Variants in METTL2B observed in about 807,000 individuals in gnomAD.
The protein encoded by METTL2B is methyltransferase 2B, tRNA N3-cytidine, also known as tRNA N(3)-cytidine methyltransferase METTL2B.
Under a neutral mutation model 51.0 loss-of-function variants are expected in METTL2B, and 28 were observed. The observed-to-expected ratio is 0.55, with a 90% CI of 0.41 to 0.75. METTL2B has a LOEUF of 0.75. Among genes scored for constraint, METTL2B ranks in the 30% least tolerant of loss-of-function variants. METTL2B has a pLI of 0.00. For missense variants in METTL2B, 313 were observed against 460.7 expected (o/e 0.68, Z 2.93); for synonymous variants, 128 against 166.3 (o/e 0.77, Z 1.77).
chr7:128,483,793 T>G (rs1157577616), intron 4 of METTL2B: 8 of 152,440 alleles, frequency 5.2e-5, no homozygotes, highest in African/African-American at 1.9e-4. Flanking sequence ...GGTGCGATCT[T>G]GGCTCACCGC....
chr7:128,502,140 A>T lies in METTL2B; in HGVS notation c.*224A>T. Reference sequence around the variant, plus strand: ...AAAGAATATAAATGAGGTCTCGTTGATGCTGGACAATTCAAGAATTCAGAC... The same window carrying T: ...AAAGAATATAAATGAGGTCTCGTTGTTGCTGGACAATTCAAGAATTCAGAC... On this transcript the variant is annotated 3_prime_UTR_variant, in exon 9 of 9. Coordinates refer to ENST00000262432, the MANE Select transcript of METTL2B (RefSeq NM_018396.3). 1.9e-6 allele frequency: 1 copy of T among 528,168 alleles called. No homozygotes were observed. The highest frequency in any genetic ancestry group is 3.2e-6 in the Non-Finnish European group (1 of 317,424). 32.7% of individuals were successfully genotyped at this position (528,168 alleles called of 1,614,324 possible). A position where few individuals can be genotyped will look rare whatever the true frequency, so the allele number is the denominator to read the frequency against.
At chr7:128,493,441 ATC>A (rs754016965) in intron 5 of METTL2B, among the ~76,000 whole-genome samples, 6 of 151,964 alleles carry the variant, frequency 3.9e-5, no homozygotes, top group Admixed American at 2.6e-4. Context: ...CGAACTCCTG[ATC>A]TCAGGTGGTC....
rs549752957 is a variant in METTL2B at position 128,505,501 on chromosome 7, G to C, written c.*3585G>C. ...GATGCTGTGTTCCTCCCATAGGATCGTATCAGGCGACACATGATTATGAAT... is the reference window on the plus strand; with the variant it reads ...GATGCTGTGTTCCTCCCATAGGATCCTATCAGGCGACACATGATTATGAAT... On this transcript the variant is annotated 3_prime_UTR_variant, in exon 9 of 9. Transcript: ENST00000262432. 6.6e-6 allele frequency: 1 copy of C among 152,130 alleles called. No homozygotes were observed. The highest frequency in any genetic ancestry group is 1.5e-5 in the Non-Finnish European group (1 of 68,032). 9.4% of individuals were successfully genotyped at this position (152,130 alleles called of 1,614,324 possible). A position where few individuals can be genotyped will look rare whatever the true frequency, so the allele number is the denominator to read the frequency against.
chr7:128,505,740 A>T lies in METTL2B; in HGVS notation c.*3824A>T, dbSNP rs1410594454. 1 of 151,944 alleles carries T rather than the reference A, an allele frequency of 6.6e-6. No individual in the cohort carries two copies. Among genetic ancestry groups the T allele is most frequent in the Non-Finnish European group, 1.5e-5 (1 of 67,990 alleles). The allele number at this position is 151,944 out of a possible 1,614,324, so 9.4% of individuals were successfully genotyped here. On this transcript the variant is annotated 3_prime_UTR_variant, in exon 9 of 9. Coordinates refer to ENST00000262432, the MANE Select transcript of METTL2B (RefSeq NM_018396.3). ...TTTCTGATCCTTCCATTCCTTCTAC[A>T]CTGATTGGTTGGTATTTTGTACAGA...
rs1793120816 is a variant in METTL2B, at chr7:128,506,387, A to G, written c.*4471A>G. 1 of 152,158 alleles carries G rather than the reference A, an allele frequency of 6.6e-6. No homozygotes were observed. Among genetic ancestry groups the G allele is most frequent in the Admixed American group, 6.6e-5 (1 of 15,256 alleles). 9.4% of individuals were successfully genotyped at this position (152,158 alleles called of 1,614,324 possible). ...TTGGGCTTTGGCTTAGATTAAAAAG[A>G]CGAGCCTTCTCCTGCCCCTGCTCCC... On this transcript the variant is annotated 3_prime_UTR_variant, in exon 9 of 9. Transcript: ENST00000262432.
intron 1 of METTL2B, 45 bp from the exon 2 acceptor site, chr7:128,477,037 C>T: frequency 6.2e-7 from 1 of 1,613,814 alleles, no homozygotes; most frequent in Non-Finnish European, 8.5e-7. Context: ...ACCCTGCTCG[C>T]AGCCAGGACG....
In METTL2B at chr7:128,501,806, C is replaced by G. The variant is rs759709919; in HGVS notation, c.1027C>G (p.Gln343Glu). ...LFTTAGLEKVQNLVDRRLQVN... is the reference protein window; with the variant it reads ...LFTTAGLEKVENLVDRRLQVN... ...CACCACTGCTGGACTGGAAAAAGTTCAGAATCTGGTGGACCGCCGACTGCA... is the reference window on the plus strand; with the variant it reads ...CACCACTGCTGGACTGGAAAAAGTTGAGAATCTGGTGGACCGCCGACTGCA... Residue 343 changes from glutamine to glutamate, a missense_variant, in exon 9 of 9, where the codon CAG becomes GAG. Transcript: ENST00000262432. 5 of 1,614,068 alleles carry G rather than the reference C, an allele frequency of 3.1e-6. No homozygotes were observed. The South Asian group carries it at 5.5e-5, about 18-fold the overall frequency.
intron 5 of METTL2B, among the ~76,000 whole-genome samples, chr7:128,493,272 G>A (rs1792867722): frequency 6.6e-6 from 1 of 151,674 alleles, no homozygotes; most frequent in South Asian, 2.1e-4. Flanking sequence ...GAGTGCAATG[G>A]TACAATCTCG....
chr7:128,479,194 A>G lies in METTL2B; in HGVS notation c.239A>G (p.Asp80Gly). 1 of 1,614,032 alleles carries G rather than the reference A, an allele frequency of 6.2e-7. No individual in the cohort carries two copies. Among genetic ancestry groups the G allele is most frequent in the South Asian group, 1.1e-5 (1 of 91,082 alleles). The change falls in exon 3 of 9, where the codon GAC becomes GGC. Residue 80 changes from aspartate (D) to glycine (G), a missense_variant. Asp to Gly is a moderately conservative substitution (Grantham distance 94). Transcript: ENST00000262432. ...YEINAHKYWN[D>G]FYKIHENGFF... ...ATCAATGCCCACAAATACTGGAATG[A>G]CTTCTACAAAATCCACGAAAATGGG...
chr7:128,486,610 A>T (rs985929031), intron 4 of METTL2B, among the ~76,000 whole-genome samples: 2 of 152,028 alleles, frequency 1.3e-5, no homozygotes, highest in Non-Finnish European at 2.9e-5. Context: ...CTCACAAAAA[A>T]AAAAAGAAAA....
Position 128,479,638 on chromosome 7 carries a change from A to G in METTL2B, c.558+125A>G, listed in dbSNP as rs181353703. 6.5e-4 allele frequency: 692 copies of G among 1,060,674 alleles called. 2 individuals are homozygous for G. In the African/African-American group the frequency reaches 9.0e-3, roughly 14 times the overall value. 65.7% of individuals were successfully genotyped at this position (1,060,674 alleles called of 1,614,324 possible). A position where few individuals can be genotyped will look rare whatever the true frequency, so the allele number is the denominator to read the frequency against. Reference sequence around the variant, plus strand: ...ATGATGCTGACTAGACTTGACCCTTATATTAGCCTGGAATCACCTCCATTT... The same window carrying G: ...ATGATGCTGACTAGACTTGACCCTTGTATTAGCCTGGAATCACCTCCATTT... On this transcript the variant is annotated intron_variant, in intron 3 of 8. Transcript: ENST00000262432.
At chr7:128,492,094 G>C (rs1792843497) in intron 5 of METTL2B, among the ~76,000 whole-genome samples, 2 of 151,978 alleles carry the variant, frequency 1.3e-5, no homozygotes, top group Non-Finnish European at 2.9e-5. Flanking sequence ...GATCTCCTGG[G>C]CTCAAGTGAT....
rs1433947378 is a variant in METTL2B at position 128,493,801 on chromosome 7, C to T, written c.670-3C>T. On this transcript the variant is annotated splice_region_variant and splice_polypyrimidine_tract_variant and intron_variant, in intron 5 of 8. Transcript: ENST00000262432. The stretch of plus-strand genomic sequence containing the variant: ...CTTACTTGTCTCTTCCACCTGTCTG[C>T]AGACAAATTCAGAATATGATCCTTC... The T allele has an allele frequency of 1.9e-6, 3 of 1,601,182 alleles. No homozygotes were observed. The highest frequency in any genetic ancestry group is 1.7e-6 in the Non-Finnish European group (2 of 1,176,290).
intron 7 of METTL2B, 35 bp from the exon 8 acceptor site, chr7:128,500,868 A>AAAGTGTCTCTGATTTTTAATAT (rs1563032031): frequency 6.2e-7 from 1 of 1,612,564 alleles, no homozygotes; most frequent in East Asian, 2.2e-5. Context: ...GAGACACTTT[A>AAAGTGTCTCTGATTTTTAATAT]AAGTGTCTCT....
At chr7:128,482,579 G>C (rs1441465366) in intron 4 of METTL2B, among the ~76,000 whole-genome samples, 2 of 152,286 alleles carry the variant, frequency 1.3e-5, no homozygotes, top group East Asian at 3.9e-4. Flanking sequence ...TGTTGCCCAG[G>C]CTGGAGTGCA....
In METTL2B at chr7:128,501,869, T is replaced by C. The variant is rs765418575; in HGVS notation, c.1090T>C (p.Trp364Arg). 6.2e-7 allele frequency: 1 copy of C among 1,614,198 alleles called. No homozygotes were observed. Among genetic ancestry groups the C allele is most frequent in the East Asian group, 2.2e-5 (1 of 44,888 alleles). The part of the protein sequence containing the change: ...RGKQLTMYRV[W>R]IQCKYCKPLL... ...GAAGCAACTGACAATGTACCGGGTT[T>C]GGATTCAGTGCAAATACTGCAAGCC... The change falls in exon 9 of 9, where the codon TGG becomes CGG. Residue 364 changes from tryptophan to arginine, a missense_variant. This residue lies in a region of METTL2B where 138 missense variants were observed against 187.6 expected (regional missense o/e 0.74). Transcript: ENST00000262432.
At chr7:128,492,151 C>A (rs933091055) in intron 5 of METTL2B, among the ~76,000 whole-genome samples, 4 of 149,262 alleles carry the variant, frequency 2.7e-5, no homozygotes, top group Non-Finnish European at 4.4e-5. Flanking sequence ...TGCCACCACA[C>A]CTGGCTAATT....
intron 4 of METTL2B, among the ~76,000 whole-genome samples, chr7:128,487,208 CA>C (rs1168101909): frequency 6.6e-6 from 1 of 152,148 alleles, no homozygotes; most frequent in Admixed American, 6.6e-5. Flanking sequence ...TTGTCTGCTC[CA>C]AAGGTCAACA....
chr7:128,489,965 A>T (rs1356114828), intron 5 of METTL2B, among the ~76,000 whole-genome samples: 1 of 152,188 alleles, frequency 6.6e-6, no homozygotes, highest in East Asian at 1.9e-4. Context: ...GAAGTTTACC[A>T]TATCAATTGG....
Sources: gnomAD v4.1 joint callset for allele counts (sites outside exome capture counted in the v4.1 genomes callset) on GRCh38, gnomAD v4.1.1 for gene constraint, gnomAD v4.1.1 regional missense constraint, MANE v1.5 for transcripts, NCBI Gene and HGNC (gene_info 2026-07-23, HGNC 2026-07-21) for gene names.